TMEM131: variants seen among roughly 807,000 people sequenced by gnomAD.
TMEM131 encodes the protein transmembrane protein 131, also known as 2610524E03Rik.
Under a neutral mutation model 211.6 loss-of-function variants are expected in TMEM131, and 66 were observed. The ratio of observed to expected loss-of-function variants is 0.31; its 90% CI spans 0.26 to 0.38. The LOEUF is 0.38. Ranked by LOEUF, TMEM131 falls within the 10% of genes least tolerant of loss-of-function variation. The pLI is 1.00. For missense variants in TMEM131, 2,036 were observed against 2,299.3 expected, an observed-to-expected ratio of 0.89 and a Z score of 2.34; for synonymous variants, 844 against 841.3, an observed-to-expected ratio of 1.00 and a Z score of -0.06.
intron 1 of TMEM131, among the ~76,000 whole-genome samples, chr2:97,982,925 C>T (rs980364047): frequency 1.3e-5 from 2 of 152,210 alleles, no homozygotes; most frequent in Non-Finnish European, 2.9e-5. Flanking sequence ...ACAGCCCCAA[C>T]ACCCTTGTTG....
intron 5 of TMEM131, among the ~76,000 whole-genome samples, chr2:97,851,558 CTATCAGT>C (rs1673628923): frequency 6.6e-6 from 1 of 152,228 alleles, no homozygotes; most frequent in Admixed American, 6.5e-5. Context: ...TCAAGCAAGT[CTATCAGT>C]GTCATTTTTC....
chr2:97,977,250 C>A (rs1007082326), intron 1 of TMEM131, among the ~76,000 whole-genome samples: 1 of 152,144 alleles, frequency 6.6e-6, no homozygotes, highest in East Asian at 1.9e-4. Context: ...TGGAAGGAAT[C>A]CTTGTAAATA....
chr2:97,823,957 G>A (rs1179435832), intron 11 of TMEM131, among the ~76,000 whole-genome samples: 3 of 152,114 alleles, frequency 2.0e-5, no homozygotes, highest in Admixed American at 6.6e-5. Flanking sequence ...CAACCTCGGT[G>A]TTCTATAATA....
Position 97,769,713 on chromosome 2 carries a change from A to G in TMEM131, c.4448+2584T>C, listed in dbSNP as rs369204129. ...AAAACAAAAGGATCAGTGAATACTCAGGGTCCTAAACCAGGGATGCCCTGG... is the reference window on the plus strand; with the variant it reads ...AAAACAAAAGGATCAGTGAATACTCGGGGTCCTAAACCAGGGATGCCCTGG... On this transcript the variant is annotated intron_variant, in intron 33 of 40. Coordinates refer to ENST00000186436, the MANE Select transcript of TMEM131 (RefSeq NM_015348.2). 1.5e-4 allele frequency among the ~76,000 whole-genome samples: 23 copies of G among 152,396 alleles called. No homozygotes were observed. The South Asian group carries it at 4.6e-3, about 30-fold the overall frequency.
rs1681529455 is a variant in TMEM131, at chr2:97,811,128, C to T, written c.1968G>A (p.Glu656=). The T allele has an allele frequency of 6.2e-7, 1 of 1,611,348 alleles. No individual in the cohort carries two copies. The highest frequency in any genetic ancestry group is 8.5e-7 in the Non-Finnish European group (1 of 1,177,594). The change falls in exon 18 of 41, where the codon GAG becomes GAA. Residue 656 remains glutamate, a splice_region_variant and synonymous_variant. Coordinates refer to ENST00000186436, the MANE Select transcript of TMEM131 (RefSeq NM_015348.2). ...DGAIQITTDY[E]ILTIPVKAVI... ...CCATGAATCCCCATAAAGTCCTTAC[C>T]TCATAGTCTGTTGTGATCTGGATGG...
rs187339115 is a variant in TMEM131, at chr2:97,820,268, T to C, written c.1075-1547A>G. Among the ~76,000 whole-genome samples, 23 of 152,356 alleles carry C rather than the reference T, an allele frequency of 1.5e-4. No individual in the cohort carries two copies. The East Asian group carries it at 2.5e-3, about 17-fold the overall frequency. On this transcript the variant is annotated intron_variant, in intron 11 of 40. Coordinates refer to ENST00000186436, the MANE Select transcript of TMEM131 (RefSeq NM_015348.2). ...GTAATATTTTTACTTATCAATAAGT[T>C]TGCTGTTATTAGCGACATTTAAAAT... is the stretch of plus-strand genomic sequence containing the variant.
At chr2:97,819,996 G>A (rs1367573364) in intron 11 of TMEM131, among the ~76,000 whole-genome samples, 1 of 152,224 alleles carries the variant, frequency 6.6e-6, no homozygotes, top group Non-Finnish European at 1.5e-5. Flanking sequence ...CACAGGGTAC[G>A]GATCTGATTA....
At chr2:97,846,769 C>CA (rs1186152451) in intron 5 of TMEM131, among the ~76,000 whole-genome samples, 2 of 152,198 alleles carry the variant, frequency 1.3e-5, no homozygotes, top group African/African-American at 4.8e-5. Flanking sequence ...AAAGATTGGA[C>CA]ACTCCTGCCC....
At chr2:97,809,647 A>G in intron 19 of TMEM131, 41 bp downstream of exon 19, 2 of 1,492,578 alleles carry the variant, frequency 1.3e-6, no homozygotes, top group Middle Eastern at 1.7e-4. Context: ...GGCAAAGGCA[A>G]AAAACGAGCA....
intron 7 of TMEM131, among the ~76,000 whole-genome samples, chr2:97,839,195 C>T (rs1364909741): frequency 2.6e-5 from 4 of 151,994 alleles, no homozygotes; most frequent in Non-Finnish European, 5.9e-5. Flanking sequence ...GGTGTGGTGG[C>T]GTGCACCTGT....
At chr2:97,946,469 T>A (rs1351516357) in intron 1 of TMEM131, among the ~76,000 whole-genome samples, 1 of 151,890 alleles carries the variant, frequency 6.6e-6, no homozygotes, top group African/African-American at 2.4e-5. Flanking sequence ...TCAGCAAATA[T>A]AATTAACAAC....
At chr2:97,990,770 T>C (rs1188115368) in intron 1 of TMEM131, among the ~76,000 whole-genome samples, 1 of 152,228 alleles carries the variant, frequency 6.6e-6, no homozygotes, top group East Asian at 1.9e-4. Context: ...ACTCTCAGGT[T>C]CTCAGGTATA....
At chr2:97,908,777 T>C in intron 2 of TMEM131, 79 bp from the exon 3 acceptor site, 1 of 1,225,834 alleles carries the variant, frequency 8.2e-7, no homozygotes, top group Middle Eastern at 2.6e-4. Flanking sequence ...TCCAAAATAT[T>C]CTATTTTAGT....
At position 97,837,109 on chromosome 2, in the gene TMEM131, T is replaced by C. The variant is rs1004960014; in HGVS notation, c.772A>G (p.Thr258Ala). 1.2e-6 allele frequency: 2 copies of C among 1,611,680 alleles called. No individual in the cohort carries two copies. Among genetic ancestry groups the C allele is most frequent in the African/African-American group, 2.7e-5 (2 of 74,792 alleles). The change falls in exon 8 of 41, where the codon ACG (threonine) becomes GCG (alanine). Residue 258 changes from threonine (T) to alanine (A), a missense_variant. Physicochemically the swap from Thr to Ala is moderately conservative, Grantham distance 58. Coordinates refer to ENST00000186436, the MANE Select transcript of TMEM131 (RefSeq NM_015348.2). The stretch of plus-strand genomic sequence containing the variant: ...TTTCTGGTACCTCCTTGTTGACCCG[T>C]TGGGAGTTCTAGGTGAAGGTCTCCT... Reference protein sequence around the residue: ...SGGDLHLELPTGQQGGTRKLW... With the variant: ...SGGDLHLELPAGQQGGTRKLW...
At chr2:97,971,766 G>A (rs1679305170) in intron 1 of TMEM131, among the ~76,000 whole-genome samples, 3 of 152,226 alleles carry the variant, frequency 2.0e-5, no homozygotes, top group African/African-American at 7.2e-5. Flanking sequence ...GGGGGCTGAG[G>A]CAGGAGGATT....
At chr2:97,781,244 C>T (rs575293787) in intron 31 of TMEM131, among the ~76,000 whole-genome samples, 4 of 152,352 alleles carry the variant, frequency 2.6e-5, no homozygotes, top group African/African-American at 7.2e-5. Context: ...GCGCCCAGCA[C>T]GTGGCAAGTG....
chr2:97,843,066 TAA>T (rs750074318), intron 6 of TMEM131, among the ~76,000 whole-genome samples: 5 of 134,504 alleles, frequency 3.7e-5, no homozygotes, highest in African/African-American at 5.6e-5. Flanking sequence ...AGGAAATGTT[TAA>T]AAAAAAAAAA....
Position 97,812,459 on chromosome 2 carries a change from G to A in TMEM131, c.1825C>T (p.Pro609Ser). 1 of 1,611,764 alleles carries A rather than the reference G, an allele frequency of 6.2e-7. No individual in the cohort carries two copies. The highest frequency in any genetic ancestry group is 8.5e-7 in the Non-Finnish European group (1 of 1,179,276). Reference sequence around the variant, plus strand: ...GATAAAGAGGATTTTTCAAACTCTGGCAGGCTTGAAATTATTGTAGTTCTA... The same window carrying A: ...GATAAAGAGGATTTTTCAAACTCTGACAGGCTTGAAATTATTGTAGTTCTA... Reference protein sequence around the residue: ...GNRTTIISSLPEFEKSSLSDQ... With the variant: ...GNRTTIISSLSEFEKSSLSDQ... Residue 609 changes from proline to serine, a missense_variant, in exon 17 of 41, where the codon CCA becomes TCA. Physicochemically the swap from Pro to Ser is moderately conservative, Grantham distance 74. Around this residue, in one of 3 missense-constraint regions of TMEM131, gnomAD observed 1,623 missense variants for 1,805.9 expected, o/e 0.90. Coordinates refer to ENST00000186436, the MANE Select transcript of TMEM131 (RefSeq NM_015348.2).
rs146514032 is a variant in TMEM131, at chr2:97,798,602, A to C, written c.2719-1086T>G. Among the ~76,000 whole-genome samples the C allele has an allele frequency of 2.6e-5, 4 of 152,374 alleles. No homozygotes were observed. In the East Asian group the frequency reaches 7.7e-4, roughly 29 times the overall value. ...GGTTCCAGGATTCCTGGCATAACCA[A>C]ATCTGCGATTTTTCAAGTAGCAGTT... is the stretch of plus-strand genomic sequence containing the variant. On this transcript the variant is annotated intron_variant, in intron 25 of 40. Transcript: ENST00000186436.
Sources: allele counts gnomAD v4.1 joint callset (sites outside exome capture counted in the v4.1 genomes callset), GRCh38; gene constraint gnomAD v4.1.1; regional missense constraint gnomAD v4.1.1; transcripts MANE v1.5; gene names NCBI Gene and HGNC (gene_info 2026-07-23, HGNC 2026-07-21).